BTBD9: variants seen among roughly 807,000 people sequenced by gnomAD.
BTBD9 encodes the protein BTB domain containing 9.
A neutral mutation model predicts 64.3 loss-of-function variants in BTBD9; 49 were observed. That is an observed-to-expected ratio of 0.76 (90% CI 0.61 to 0.97). The LOEUF (loss-of-function observed/expected upper bound fraction) is 0.97, where lower values mean the gene tolerates loss of function less well. Among genes scored for constraint, BTBD9 ranks in the 50% least tolerant of loss-of-function variants. BTBD9 has a pLI of 0.00. For synonymous variants in BTBD9, 260 were observed against 274.7 expected (o/e 0.95, Z 0.53); for missense variants, 598 against 762.1 (o/e 0.78, Z 2.53).
Position 38,174,228 on chromosome 6 carries a change from G to T in BTBD9, c.*757C>A, listed in dbSNP as rs3800358. The T allele has an allele frequency of 0.31, 47,737 of 152,138 alleles. 8,606 individuals carry two copies. The highest frequency in any genetic ancestry group is 0.41 in the Non-Finnish European group (28,105 of 67,980). The allele number at this position is 152,138 out of a possible 1,614,324, so 9.4% of individuals were successfully genotyped here. A position where few individuals can be genotyped will look rare whatever the true frequency, so the allele number is the denominator to read the frequency against. On this transcript the variant is annotated 3_prime_UTR_variant, in exon 11 of 11. Transcript: ENST00000481247. The stretch of plus-strand genomic sequence containing the variant: ...TGGATCCATGTCAGGAATGACAGGT[G>T]AGTAACTCAGCCACACGAGTGACTA...
intron 8 of BTBD9, among the ~76,000 whole-genome samples, chr6:38,272,386 C>G (rs1582145498): frequency 6.6e-6 from 1 of 152,152 alleles, no homozygotes; most frequent in Admixed American, 6.6e-5. Flanking sequence ...CTGTTGCCAG[C>G]TCTGTCTACT....
chr6:38,619,590 T>A (rs983452868), intron 1 of BTBD9, among the ~76,000 whole-genome samples: 10 of 152,134 alleles, frequency 6.6e-5, no homozygotes, highest in African/African-American at 2.4e-4. Context: ...AACCAGATAA[T>A]CTGTCAACAG....
intron 7 of BTBD9, among the ~76,000 whole-genome samples, chr6:38,316,160 G>A (rs1421895642): frequency 1.3e-5 from 2 of 152,148 alleles, no homozygotes; most frequent in Non-Finnish European, 2.9e-5. Flanking sequence ...GGCATGGAAT[G>A]TCTTTTTGTA....
Position 38,169,543 on chromosome 6 carries a change from G to GC in BTBD9, c.*5441dup, listed in dbSNP as rs1251355616. On this transcript the variant is annotated 3_prime_UTR_variant, in exon 11 of 11. Coordinates refer to ENST00000481247, the MANE Select transcript of BTBD9 (RefSeq NM_001099272.2). The stretch of plus-strand genomic sequence containing the variant: ...CAGTCCCTGCCCTGAAGGCTGCTCA[G>GC]CCCCTCCAGCCCCCGTCCCGCCTCG... The GC allele has an allele frequency of 1.3e-5, 2 of 152,396 alleles. No homozygotes were observed. Among genetic ancestry groups the GC allele is most frequent in the Non-Finnish European group, 2.9e-5 (2 of 68,214 alleles). The allele number at this position is 152,396 out of a possible 1,614,324, so 9.4% of individuals were successfully genotyped here.
At chr6:38,412,724 T>C (rs1691783191) in intron 6 of BTBD9, among the ~76,000 whole-genome samples, 1 of 152,132 alleles carries the variant, frequency 6.6e-6, no homozygotes, top group Non-Finnish European at 1.5e-5. Flanking sequence ...CCGGATGTGA[T>C]GGCGTGTGCC....
chr6:38,313,559 T>C (rs139305858), intron 7 of BTBD9, among the ~76,000 whole-genome samples: 40 of 152,284 alleles, frequency 2.6e-4, no homozygotes, highest in African/African-American at 7.9e-4. Flanking sequence ...GTTCCTTCTA[T>C]ACCCAGTTTC....
In BTBD9 at chr6:38,169,718, G is replaced by A. The variant is rs532896197; in HGVS notation, c.*5267C>T. 1.3e-5 allele frequency: 2 copies of A among 152,374 alleles called. No individual in the cohort carries two copies. The highest frequency in any genetic ancestry group is 4.8e-5 in the African/African-American group (2 of 41,558). The allele number at this position is 152,374 out of a possible 1,614,324, so 9.4% of individuals were successfully genotyped here. ...CTCTGTCAACCAGGGGACACTAGTG[G>A]GGACAGGTGTGTAGCTCCTGGCTGC... On this transcript the variant is annotated 3_prime_UTR_variant, in exon 11 of 11. Transcript: ENST00000481247.
At chr6:38,373,849 T>C (rs544267717) in intron 6 of BTBD9, among the ~76,000 whole-genome samples, 1 of 152,198 alleles carries the variant, frequency 6.6e-6, no homozygotes, top group East Asian at 1.9e-4. Context: ...TAACATTGGT[T>C]TAAAATTCAA....
chr6:38,436,773 C>T (rs1582427999), intron 6 of BTBD9, among the ~76,000 whole-genome samples: 2 of 152,212 alleles, frequency 1.3e-5, no homozygotes, highest in East Asian at 3.9e-4. Context: ...CTTGCTTGCG[C>T]TCCCAACTCC....
chr6:38,274,714 T>C (rs905359745), intron 8 of BTBD9, among the ~76,000 whole-genome samples: 10 of 152,312 alleles, frequency 6.6e-5, no homozygotes, highest in Middle Eastern at 3.4e-3. Flanking sequence ...CAGCCTTGCA[T>C]CCCAGGGATG....
chr6:38,345,455 G>C (rs1764242418), intron 6 of BTBD9, among the ~76,000 whole-genome samples: 1 of 152,226 alleles, frequency 6.6e-6, no homozygotes, highest in Non-Finnish European at 1.5e-5. Context: ...TTGCCTTGTG[G>C]TTAGGAATGT....
rs563419325 is a variant in BTBD9, at chr6:38,380,608, A to G, written c.1155-35515T>C. On this transcript the variant is annotated intron_variant, in intron 6 of 10. Transcript: ENST00000481247. ...ATTTTGGGAGGCTGAGGCAGGAGGTATACTTGAGGCCAAGAGTTTGAGATC... is the reference window on the plus strand; with the variant it reads ...ATTTTGGGAGGCTGAGGCAGGAGGTGTACTTGAGGCCAAGAGTTTGAGATC... Among the ~76,000 whole-genome samples the G allele has an allele frequency of 4.6e-5, 7 of 152,312 alleles. No homozygotes were observed. The South Asian group carries it at 1.5e-3, about 32-fold the overall frequency.
chr6:38,631,678 C>T (rs1778367917), intron 1 of BTBD9, among the ~76,000 whole-genome samples: 1 of 152,150 alleles, frequency 6.6e-6, no homozygotes, highest in East Asian at 1.9e-4. Flanking sequence ...ATCTCGGAAG[C>T]AGATCCTCCA....
chr6:38,281,925 T>C (rs1761526296), intron 8 of BTBD9, among the ~76,000 whole-genome samples: 1 of 152,226 alleles, frequency 6.6e-6, no homozygotes. Context: ...GACTATCTTA[T>C]AATTAGGGTT....
At chr6:38,478,330 C>G (rs1464042795) in intron 6 of BTBD9, among the ~76,000 whole-genome samples, 1 of 152,144 alleles carries the variant, frequency 6.6e-6, no homozygotes, top group African/African-American at 2.4e-5. Flanking sequence ...ATCATATTAG[C>G]TTACTCATAT....
At chr6:38,266,908 G>C (rs187145920) in intron 8 of BTBD9, among the ~76,000 whole-genome samples, 2 of 152,338 alleles carry the variant, frequency 1.3e-5, no homozygotes, top group Non-Finnish European at 2.9e-5. Context: ...CTTTTGGGCA[G>C]TGACACACTA....
intron 9 of BTBD9, among the ~76,000 whole-genome samples, chr6:38,198,387 C>T (rs1319707258): frequency 3.9e-5 from 6 of 152,088 alleles, no homozygotes; most frequent in East Asian, 1.9e-4. Context: ...GAGGAATGTA[C>T]GGTCGCCATC....
At chr6:38,286,421 AG>A (rs1374681577) in intron 8 of BTBD9, among the ~76,000 whole-genome samples, 1 of 152,192 alleles carries the variant, frequency 6.6e-6, no homozygotes, top group African/African-American at 2.4e-5. Flanking sequence ...GAAACAACAA[AG>A]CAAATGTGGT....
chr6:38,550,543 C>T (rs977474339), intron 6 of BTBD9, among the ~76,000 whole-genome samples: 1 of 152,092 alleles, frequency 6.6e-6, no homozygotes, highest in Non-Finnish European at 1.5e-5. Flanking sequence ...GTCTCAATCT[C>T]CTGACCTCAT....
Sources: gnomAD v4.1 joint callset for allele counts (sites outside exome capture counted in the v4.1 genomes callset) on GRCh38, gnomAD v4.1.1 for gene constraint, MANE v1.5 for transcripts, NCBI Gene and HGNC (gene_info 2026-07-23, HGNC 2026-07-21) for gene names.